DCAF6: variants seen among roughly 807,000 people sequenced by gnomAD.
The protein encoded by DCAF6 is DDB1- and CUL4-associated factor 6.
Under a neutral mutation model 125.1 loss-of-function variants are expected in DCAF6, and 54 were observed. The ratio of observed to expected loss-of-function variants is 0.43; its 90% CI spans 0.35 to 0.54. The LOEUF is 0.54. Among genes scored for constraint, DCAF6 ranks in the 20% least tolerant of loss-of-function variants. The probability of loss-of-function intolerance (pLI) is 0.01; values close to 1 mark genes in which losing one functional copy is unlikely to be tolerated. For missense variants in DCAF6, 934 were observed against 1,161.7 expected (o/e 0.80, Z 2.85); for synonymous variants, 371 against 390.4 (o/e 0.95, Z 0.58).
intron 12 of DCAF6, among the ~76,000 whole-genome samples, chr1:168,024,593 G>A (rs1428803027): frequency 6.6e-6 from 1 of 152,092 alleles, no homozygotes; most frequent in Non-Finnish European, 1.5e-5. Flanking sequence ...ATCACCTGAG[G>A]TCAGAAGTTT....
chr1:168,049,877 G>A (rs372876478), intron 16 of DCAF6, among the ~76,000 whole-genome samples: 20 of 149,592 alleles, frequency 1.3e-4, no homozygotes, highest in Non-Finnish European at 2.5e-4. Flanking sequence ...GGATGATCTC[G>A]ATCTCCTGAC....
intron 16 of DCAF6, among the ~76,000 whole-genome samples, chr1:168,048,536 T>G (rs1419674116): frequency 1.3e-5 from 2 of 152,160 alleles, no homozygotes; most frequent in Non-Finnish European, 2.9e-5. Flanking sequence ...TATAATTTGG[T>G]TAAATAAATG....
intron 13 of DCAF6, 21 bp from the exon 14 acceptor site, chr1:168,043,004 C>T: frequency 4.6e-6 from 7 of 1,537,630 alleles, no homozygotes; most frequent in Middle Eastern, 1.7e-4. Flanking sequence ...GGTGGAATCA[C>T]TTATCTTGTT....
chr1:167,973,588 C>T (rs910623378), intron 3 of DCAF6, among the ~76,000 whole-genome samples: 2 of 152,114 alleles, frequency 1.3e-5, no homozygotes, highest in African/African-American at 4.8e-5. Context: ...GCACCTTAAA[C>T]ATTTTTTTAA....
chr1:167,890,223 A>G, the DCAF6 span, among the ~76,000 whole-genome samples: 73 of 152,190 alleles, frequency 4.8e-4, no homozygotes, highest in African/African-American at 1.7e-3. Flanking sequence ...CATATATTCA[A>G]AAAAACTTGG....
chr1:168,002,687 A>T (rs1469022527), intron 8 of DCAF6, 112 bp downstream of exon 8: 2 of 733,100 alleles, frequency 2.7e-6, no homozygotes, highest in Non-Finnish European at 4.3e-6. Flanking sequence ...TCTTATACAT[A>T]TAGGTATACT....
chr1:168,008,501 C>T (rs1683681579), intron 10 of DCAF6, among the ~76,000 whole-genome samples: 1 of 152,126 alleles, frequency 6.6e-6, no homozygotes, highest in African/African-American at 2.4e-5. Flanking sequence ...TTTCTTGTCT[C>T]CTAATTAATC....
intron 2 of DCAF6, among the ~76,000 whole-genome samples, chr1:167,954,952 G>T (rs965302720): frequency 2.1e-4 from 32 of 152,174 alleles, no homozygotes; most frequent in Admixed American, 1.8e-3. Flanking sequence ...GTCAACCAAT[G>T]ATCTCTATTC....
In DCAF6 at chr1:168,045,096, A is replaced by G. The variant is rs1222416366; in HGVS notation, c.2127A>G (p.Gln709=). ...ACACCAATCCTGAGCCTCAGTTCCA[A>G]ACAGAAGCCACTGGGCCTTCAGCTC... ...ENNTNPEPQF[Q]TEATGPSAHE... is the part of the protein sequence containing the mutation. Residue 709 remains glutamine (Q), a synonymous_variant, in exon 16 of 22, where the codon CAA becomes CAG. Transcript: ENST00000367840. 6.2e-7 allele frequency: 1 copy of G among 1,614,040 alleles called. No homozygotes were observed. The highest frequency in any genetic ancestry group is 2.2e-5 in the East Asian group (1 of 44,888).
chr1:167,880,797 T>C, the DCAF6 span, among the ~76,000 whole-genome samples: 1 of 152,346 alleles, frequency 6.6e-6, no homozygotes, highest in South Asian at 2.1e-4. Context: ...CAGGAGGGCT[T>C]GAGCCTTGAG....
the DCAF6 span, among the ~76,000 whole-genome samples, chr1:167,868,930 C>T: frequency 1.2e-4 from 18 of 152,076 alleles, no homozygotes; most frequent in South Asian, 2.1e-4. Context: ...TATTCTGGCC[C>T]GGCAAGAAAC....
At chr1:168,027,141 A>T (rs1303179356) in intron 12 of DCAF6, among the ~76,000 whole-genome samples, 1 of 152,124 alleles carries the variant, frequency 6.6e-6, no homozygotes, top group East Asian at 1.9e-4. Flanking sequence ...TTGACATTGT[A>T]GTTTGAGATA....
chr1:168,070,535 T>A (rs957213592), intron 21 of DCAF6, among the ~76,000 whole-genome samples: 1 of 152,212 alleles, frequency 6.6e-6, no homozygotes, highest in Non-Finnish European at 1.5e-5. Context: ...TGATTTTTAA[T>A]GAAGGAGCCT....
At chr1:167,936,650 G>A, upstream of DCAF6, 1 of 404,946 alleles carries the variant, frequency 2.5e-6, no homozygotes, top group Middle Eastern at 6.7e-4. Flanking sequence ...CCTGTTGGAG[G>A]GGGGCTGAGG....
chr1:167,965,759 C>T (rs1571703697), intron 2 of DCAF6, among the ~76,000 whole-genome samples: 1 of 151,854 alleles, frequency 6.6e-6, no homozygotes, highest in African/African-American at 2.4e-5. Flanking sequence ...TGAGGCCTCC[C>T]GAGTAGCTGG....
Position 168,044,434 on chromosome 1 carries a change from A to T in DCAF6, c.1844-151A>T, listed in dbSNP as rs1558021191. On this transcript the variant is annotated intron_variant, in intron 14 of 21. Coordinates refer to ENST00000367840, the MANE Select transcript of DCAF6 (RefSeq NM_001198956.2). ...TATAAGTAATATAGAGATAATTTAC[A>T]GTATAAGGAAGGGTATGCATAGGTT... 5 of 605,564 alleles carry T rather than the reference A, an allele frequency of 8.3e-6. No homozygotes were observed. In the East Asian group the frequency reaches 1.4e-4, roughly 16 times the overall value. 37.5% of individuals were successfully genotyped at this position (605,564 alleles called of 1,614,324 possible).
At chr1:167,890,153 A>G in the DCAF6 span, among the ~76,000 whole-genome samples, 2 of 152,128 alleles carry the variant, frequency 1.3e-5, no homozygotes, top group African/African-American at 2.4e-5. Context: ...AGAGTTAGGT[A>G]TTTATTGTAG....
chr1:168,040,323 G>C (rs576803615), intron 13 of DCAF6, among the ~76,000 whole-genome samples: 1 of 152,092 alleles, frequency 6.6e-6, no homozygotes, highest in East Asian at 1.9e-4. Context: ...GATAAGGTCA[G>C]CCAGGAAATT....
At chr1:167,901,501 G>A in the DCAF6 span, among the ~76,000 whole-genome samples, 10 of 152,254 alleles carry the variant, frequency 6.6e-5, no homozygotes, top group East Asian at 1.2e-3. Flanking sequence ...TGGTATGTGA[G>A]GAAGCCAAAA....
Sources: allele counts gnomAD v4.1 joint callset (sites outside exome capture counted in the v4.1 genomes callset), GRCh38; gene constraint gnomAD v4.1.1; transcripts MANE v1.5; gene names NCBI Gene and HGNC (gene_info 2026-07-23, HGNC 2026-07-21).